Variants in PPM1L observed in about 807,000 individuals in gnomAD.
PPM1L encodes protein phosphatase, Mg2+/Mn2+ dependent 1L, also known as protein phosphatase 1L.
Under a neutral mutation model 31.4 loss-of-function variants are expected in PPM1L, and 13 were observed. The observed-to-expected ratio is 0.41, with a 90% confidence interval of 0.27 to 0.66. PPM1L has a LOEUF of 0.66. PPM1L is among the 30% of genes least tolerant of loss of function. The probability of loss-of-function intolerance (pLI) is 0.29; values close to 1 mark genes in which losing one functional copy is unlikely to be tolerated. For missense variants in PPM1L, 326 were observed against 453.7 expected (o/e 0.72, Z 2.56); for synonymous variants, 184 against 175.4 (o/e 1.05, Z -0.39).
chr3:161,012,500 C>T (rs1392886632), intron 2 of PPM1L, among the ~76,000 whole-genome samples: 1 of 151,688 alleles, frequency 6.6e-6, no homozygotes, highest in African/African-American at 2.4e-5. Context: ...GTGTCTCTGC[C>T]CGGCTTTGGT....
chr3:160,865,636 G>A (rs919190443), intron 1 of PPM1L, among the ~76,000 whole-genome samples: 4 of 152,134 alleles, frequency 2.6e-5, no homozygotes, highest in South Asian at 2.1e-4. Flanking sequence ...TTAGCTGGAC[G>A]TGGTGGCGTG....
chr3:160,852,329 A>T (rs1302159067), intron 1 of PPM1L, among the ~76,000 whole-genome samples: 2 of 152,216 alleles, frequency 1.3e-5, no homozygotes, highest in African/African-American at 4.8e-5. Context: ...ATTTTTATAT[A>T]GCCTCACTCC....
chr3:161,010,739 C>A (rs1717866553), intron 2 of PPM1L, among the ~76,000 whole-genome samples: 1 of 152,170 alleles, frequency 6.6e-6, no homozygotes, highest in Non-Finnish European at 1.5e-5. Flanking sequence ...GATGGTATCT[C>A]ATTTTGGTTT....
intron 1 of PPM1L, among the ~76,000 whole-genome samples, chr3:160,915,932 G>C (rs1330229621): frequency 6.6e-6 from 1 of 152,188 alleles, no homozygotes. Context: ...AGACTTAAAT[G>C]TTAGACCTAA....
chr3:160,978,776 G>T (rs1716694595), intron 2 of PPM1L, among the ~76,000 whole-genome samples: 1 of 152,114 alleles, frequency 6.6e-6, no homozygotes, highest in African/African-American at 2.4e-5. Flanking sequence ...GTTGCAGTGA[G>T]CCGTGTTCAT....
intron 2 of PPM1L, among the ~76,000 whole-genome samples, chr3:161,038,471 C>T (rs1382575818): frequency 6.6e-6 from 1 of 151,308 alleles, no homozygotes; most frequent in Non-Finnish European, 1.5e-5. Context: ...GCCATCATGC[C>T]TGGCTAATTT....
intron 1 of PPM1L, among the ~76,000 whole-genome samples, chr3:160,787,799 T>A (rs964126492): frequency 6.6e-6 from 1 of 152,212 alleles, no homozygotes; most frequent in African/African-American, 2.4e-5. Context: ...AGGAGTCCAG[T>A]TTCAATCTTC....
rs938971295 is a variant in PPM1L at position 160,869,716 on chromosome 3, GTA to G, written c.400-92018_400-92017del. 9.2e-5 allele frequency among the ~76,000 whole-genome samples: 7 copies of G among 75,858 alleles called. No homozygotes were observed. In the South Asian group the frequency reaches 1.1e-3, roughly 12 times the overall value. 49.8% of individuals were successfully genotyped at this position (75,858 alleles called of 152,430 possible). ...TTATAGGTTCTGCCTTTGGTGCAAT[GTA>G]TGTGTGTGTGTGTGTGTGTGTGTGT... On this transcript the variant is annotated intron_variant, in intron 1 of 3. Transcript: ENST00000498165.
intron 1 of PPM1L, among the ~76,000 whole-genome samples, chr3:160,893,126 C>CTT (rs1713212848): frequency 6.6e-6 from 1 of 152,164 alleles, no homozygotes; most frequent in Non-Finnish European, 1.5e-5. Context: ...AGCAAAATTT[C>CTT]TTAACTTCCT....
chr3:160,866,048 C>T (rs889925424), intron 1 of PPM1L, among the ~76,000 whole-genome samples: 8 of 152,166 alleles, frequency 5.3e-5, no homozygotes, highest in African/African-American at 1.9e-4. Context: ...TGACAACTGA[C>T]CTTACTCAGT....
At chr3:160,929,410 A>G (rs1178064463) in intron 1 of PPM1L, among the ~76,000 whole-genome samples, 1 of 152,204 alleles carries the variant, frequency 6.6e-6, no homozygotes, top group African/African-American at 2.4e-5. Flanking sequence ...TGACAGTTAG[A>G]AACTCTGTCT....
chr3:160,890,224 T>A (rs1713087688), intron 1 of PPM1L, among the ~76,000 whole-genome samples: 1 of 152,188 alleles, frequency 6.6e-6, no homozygotes, highest in African/African-American at 2.4e-5. Context: ...GCAGACAACA[T>A]GTTTTTATAT....
At chr3:161,007,424 G>T (rs1717751039) in intron 2 of PPM1L, among the ~76,000 whole-genome samples, 1 of 152,220 alleles carries the variant, frequency 6.6e-6, no homozygotes, top group African/African-American at 2.4e-5. Flanking sequence ...GGAACAGCTT[G>T]ATGGGTTTGA....
intron 1 of PPM1L, among the ~76,000 whole-genome samples, chr3:160,946,525 C>T (rs1715415958): frequency 6.6e-6 from 1 of 152,122 alleles, no homozygotes; most frequent in Admixed American, 6.5e-5. Context: ...GATGTAAAAA[C>T]TCTCTCTTGA....
chr3:161,062,233 G>T (rs200538480), intron 2 of PPM1L, among the ~76,000 whole-genome samples: 158 of 152,048 alleles, frequency 1.0e-3, no homozygotes, highest in Non-Finnish European at 2.0e-3. Context: ...CTAGATATAC[G>T]GGTATTATCC....
chr3:160,806,030 A>G (rs1297896405), intron 1 of PPM1L, among the ~76,000 whole-genome samples: 2 of 152,176 alleles, frequency 1.3e-5, no homozygotes, highest in Non-Finnish European at 2.9e-5. Flanking sequence ...ACAGTTTGCC[A>G]TACCAACTGA....
intron 1 of PPM1L, among the ~76,000 whole-genome samples, chr3:160,912,700 A>G (rs1349874505): frequency 2.0e-5 from 3 of 152,178 alleles, no homozygotes; most frequent in African/African-American, 7.2e-5. Flanking sequence ...AAGAAGCGAT[A>G]ATTATAGCAG....
chr3:160,856,546 T>C (rs1280404830), intron 1 of PPM1L, among the ~76,000 whole-genome samples: 1 of 152,078 alleles, frequency 6.6e-6, no homozygotes, highest in African/African-American at 2.4e-5. Context: ...CTAAGCAAAC[T>C]AATGCAGAAA....
At chr3:160,957,800 T>G (rs1433423621) in intron 1 of PPM1L, among the ~76,000 whole-genome samples, 2 of 151,932 alleles carry the variant, frequency 1.3e-5, no homozygotes, top group Non-Finnish European at 2.9e-5. Context: ...ATGGTCTTGA[T>G]CTCCTGACCT....
Sources: allele counts gnomAD v4.1 joint callset (sites outside exome capture counted in the v4.1 genomes callset), GRCh38; gene constraint gnomAD v4.1.1; transcripts MANE v1.5; gene names NCBI Gene and HGNC (gene_info 2026-07-23, HGNC 2026-07-21).